COG5: variants seen among roughly 807,000 people sequenced by gnomAD.
The protein encoded by COG5 is component of oligomeric golgi complex 5, also known as conserved oligomeric Golgi complex subunit 5.
In COG5, 86 loss-of-function variants were observed where a neutral mutation model predicts 110.4. That is an observed-to-expected ratio of 0.78 (90% CI 0.65 to 0.93). The LOEUF (loss-of-function observed/expected upper bound fraction) is 0.93. COG5 is among the 40% of genes least tolerant of loss of function. The pLI is 0.00. For missense variants in COG5, 1,077 were observed against 987.0 expected (o/e 1.09, Z -1.22); for synonymous variants, 360 against 334.6 (o/e 1.08, Z -0.83).
intron 12 of COG5, among the ~76,000 whole-genome samples, chr7:107,295,060 CACACACATATATATATATATAT>C (rs1233255925): frequency 3.5e-5 from 2 of 56,392 alleles, no homozygotes; most frequent in East Asian, 1.1e-3. Flanking sequence ...CACACACACA[CACACACATATATATATATATAT>C]ATATATATAT....
At chr7:107,473,856 C>G (rs1360648741) in intron 6 of COG5, among the ~76,000 whole-genome samples, 1 of 151,900 alleles carries the variant, frequency 6.6e-6, no homozygotes. Flanking sequence ...ACACAATTTT[C>G]TTTTATATCA....
intron 14 of COG5, among the ~76,000 whole-genome samples, chr7:107,260,963 G>GTT (rs149696639): frequency 2.1e-5 from 3 of 140,556 alleles, no homozygotes; most frequent in Non-Finnish European, 3.1e-5. Flanking sequence ...GTTTGTTTTT[G>GTT]TTTTTTTTTT....
At chr7:107,256,441 G>A (rs1802884434) in intron 16 of COG5, among the ~76,000 whole-genome samples, 1 of 152,060 alleles carries the variant, frequency 6.6e-6, no homozygotes, top group South Asian at 2.1e-4. Context: ...TGCTCTACTG[G>A]AATAATACTG....
At chr7:107,446,774 G>A (rs894461122) in intron 6 of COG5, among the ~76,000 whole-genome samples, 1 of 152,142 alleles carries the variant, frequency 6.6e-6, no homozygotes, top group African/African-American at 2.4e-5. Flanking sequence ...GTCACACCCT[G>A]GCTGACAACT....
chr7:107,472,125 A>C (rs746686355), intron 6 of COG5: 6 of 152,036 alleles, frequency 3.9e-5, no homozygotes, highest in Non-Finnish European at 7.4e-5. Context: ...CTATCATCTG[A>C]GGAAATTCCT....
intron 12 of COG5, among the ~76,000 whole-genome samples, chr7:107,297,325 G>C (rs747468640): frequency 2.0e-5 from 3 of 151,856 alleles, no homozygotes; most frequent in Non-Finnish European, 2.9e-5. Context: ...AGGTAACCTA[G>C]AGATGATGTG....
At chr7:107,309,155 C>T (rs549464449) in intron 11 of COG5, among the ~76,000 whole-genome samples, 4 of 152,030 alleles carry the variant, frequency 2.6e-5, no homozygotes, top group African/African-American at 9.6e-5. Context: ...AAAAATACAT[C>T]ATCACTTCAC....
intron 21 of COG5, among the ~76,000 whole-genome samples, chr7:107,205,421 T>C (rs1798696791): frequency 6.6e-6 from 1 of 152,218 alleles, no homozygotes; most frequent in African/African-American, 2.4e-5. Context: ...ATCATTAGTT[T>C]CCATTTTTGT....
At position 107,201,509 on chromosome 7, in the gene COG5, C is replaced by T; in HGVS notation, c.*2007G>A. 1 of 872,024 alleles carries T rather than the reference C, an allele frequency of 1.1e-6. No homozygotes were observed. Among genetic ancestry groups the T allele is most frequent in the Non-Finnish European group, 1.9e-6 (1 of 531,194 alleles). 54.0% of individuals were successfully genotyped at this position (872,024 alleles called of 1,614,324 possible). A position where few individuals can be genotyped will look rare whatever the true frequency, so the allele number is the denominator to read the frequency against. Reference sequence around the variant, plus strand: ...TGGAAAGACTTAAGAAGATCAAGGTCTCACCATTTGTCCTCAATTCGTGTG... The same window carrying T: ...TGGAAAGACTTAAGAAGATCAAGGTTTCACCATTTGTCCTCAATTCGTGTG... On this transcript the variant is annotated 3_prime_UTR_variant, in exon 22 of 22. Coordinates refer to ENST00000297135, the MANE Select transcript of COG5 (RefSeq NM_006348.5).
chr7:107,331,959 G>C (rs558945930), intron 10 of COG5, among the ~76,000 whole-genome samples: 2 of 150,570 alleles, frequency 1.3e-5, no homozygotes, highest in East Asian at 3.9e-4. Context: ...AATGATTCCC[G>C]TGCCTCAGCC....
chr7:107,226,648 T>G (rs2116361178), intron 19 of COG5, among the ~76,000 whole-genome samples: 1 of 152,378 alleles, frequency 6.6e-6, no homozygotes, highest in South Asian at 2.1e-4. Context: ...CCGCAGCACA[T>G]GCTCACATCT....
chr7:107,295,036 TATACACAC>T (rs1562955528), intron 12 of COG5, among the ~76,000 whole-genome samples: 6 of 60,564 alleles, frequency 9.9e-5, no homozygotes, highest in Non-Finnish European at 1.8e-4. Context: ...TACACACACA[TATACACAC>T]ACACACACAC....
rs190032556 is a variant in COG5 at position 107,306,528 on chromosome 7, A to G, written c.1109-8182T>C. 5.3e-5 allele frequency among the ~76,000 whole-genome samples: 8 copies of G among 152,316 alleles called. No homozygotes were observed. In the East Asian group the frequency reaches 1.4e-3, roughly 26 times the overall value. ...TTAAAATGCAAGTCTTATATACAAA[A>G]TATTAGGATGGAATGAATGAAAATA... On this transcript the variant is annotated intron_variant, in intron 11 of 21. Coordinates refer to ENST00000297135, the MANE Select transcript of COG5 (RefSeq NM_006348.5).
intron 6 of COG5, among the ~76,000 whole-genome samples, chr7:107,508,545 T>C (rs575179704): frequency 7.2e-5 from 11 of 152,328 alleles, no homozygotes; most frequent in East Asian, 1.9e-4. Context: ...GTTCTTCCAC[T>C]ACGCAGCTGG....
chr7:107,462,283 T>C (rs1199476902), intron 6 of COG5, among the ~76,000 whole-genome samples: 1 of 152,042 alleles, frequency 6.6e-6, no homozygotes, highest in African/African-American at 2.4e-5. Flanking sequence ...CACAAGAAAA[T>C]ATAGAAGCCA....
rs201966808 is a variant in COG5 at position 107,437,561 on chromosome 7, A to G, written c.539-24929T>C. On this transcript the variant is annotated intron_variant, in intron 6 of 21. Coordinates refer to ENST00000297135, the MANE Select transcript of COG5 (RefSeq NM_006348.5). ...CAGATACTTAAAGTCCTTCCACTGG[A>G]CAACTATTATTGAATAGCTACTCTG... Among the ~76,000 whole-genome samples the G allele has an allele frequency of 1.1e-4, 17 of 152,184 alleles. No individual in the cohort carries two copies. In the East Asian group the frequency reaches 3.1e-3, roughly 28 times the overall value.
At chr7:107,503,768 G>T (rs1798789427) in intron 6 of COG5, among the ~76,000 whole-genome samples, 1 of 152,064 alleles carries the variant, frequency 6.6e-6, no homozygotes, top group Admixed American at 6.6e-5. Flanking sequence ...ATGCAAAAGG[G>T]GCTAAGTTCT....
At chr7:107,414,360 A>T (rs903295044) in intron 6 of COG5, among the ~76,000 whole-genome samples, 10 of 152,160 alleles carry the variant, frequency 6.6e-5, no homozygotes, top group African/African-American at 2.4e-4. Flanking sequence ...AAATGAAACT[A>T]ATCTATTTGA....
chr7:107,548,842 A>G (rs756472831), intron 3 of COG5, among the ~76,000 whole-genome samples: 2 of 152,230 alleles, frequency 1.3e-5, no homozygotes, highest in Non-Finnish European at 2.9e-5. Context: ...AAATTTTCAC[A>G]AATTGGAAAA....
Sources: allele counts gnomAD v4.1 joint callset (sites outside exome capture counted in the v4.1 genomes callset), GRCh38; gene constraint gnomAD v4.1.1; transcripts MANE v1.5; gene names NCBI Gene and HGNC (gene_info 2026-07-23, HGNC 2026-07-21).